Variants in CNBP observed in about 807,000 individuals in gnomAD.
CNBP encodes cellular nucleic acid-binding protein.
In CNBP, 6 loss-of-function variants were observed where a neutral mutation model predicts 21.2. That is an observed-to-expected ratio of 0.28 (90% confidence interval 0.16 to 0.56). The LOEUF (loss-of-function observed/expected upper bound fraction) is 0.56, where lower values mean the gene tolerates loss of function less well. CNBP is among the 20% of genes least tolerant of loss of function. The probability of loss-of-function intolerance (pLI) is 0.93; values close to 1 mark genes in which losing one functional copy is unlikely to be tolerated. For missense variants in CNBP, 112 were observed against 233.1 expected (o/e 0.48, Z 3.38); for synonymous variants, 61 against 74.9 (o/e 0.81, Z 0.96).
chr3:129,177,886 G>T (rs537745486), intron 1 of CNBP, among the ~76,000 whole-genome samples: 1 of 152,190 alleles, frequency 6.6e-6, no homozygotes, highest in African/African-American at 2.4e-5. Context: ...TGGGCCGGGC[G>T]GGGTGGCCCA....
chr3:129,170,126 A>G lies in CNBP; in HGVS notation c.*327T>C, dbSNP rs914694507. 6.5e-6 allele frequency: 2 copies of G among 308,746 alleles called. No homozygotes were observed. Among genetic ancestry groups the G allele is most frequent in the African/African-American group, 4.1e-5 (2 of 48,418 alleles). The allele number at this position is 308,746 out of a possible 1,614,324, so 19.1% of individuals were successfully genotyped here. ...TTCCAGAATTGGTTTTACCTCCTACATGGGAACATGTTCAAGGAACCCAGG... is the reference window on the plus strand; with the variant it reads ...TTCCAGAATTGGTTTTACCTCCTACGTGGGAACATGTTCAAGGAACCCAGG... On this transcript the variant is annotated 3_prime_UTR_variant, in exon 5 of 5. Coordinates refer to ENST00000422453, the MANE Select transcript of CNBP (RefSeq NM_003418.5).
chr3:129,174,374 A>AG (rs1937747855), intron 1 of CNBP, among the ~76,000 whole-genome samples: 1 of 148,680 alleles, frequency 6.7e-6, no homozygotes, highest in African/African-American at 2.5e-5. Context: ...AAAAAAAAAA[A>AG]CGAATGGCGG....
chr3:129,170,598 A>G (rs1937549417), intron 4 of CNBP, 28 bp from the exon 5 acceptor site: 1 of 1,575,552 alleles, frequency 6.3e-7, no homozygotes, highest in East Asian at 2.2e-5. Context: ...AGTTTTCACA[A>G]TGGGCCTCAG....
In CNBP at chr3:129,169,586, T is replaced by TC. The variant is rs1473197487; in HGVS notation, c.*866dup. On this transcript the variant is annotated 3_prime_UTR_variant, in exon 5 of 5. Coordinates refer to ENST00000422453, the MANE Select transcript of CNBP (RefSeq NM_003418.5). ...AGAACTTTAGTCAAACTCCCCTTCCTCCTCCAGCTTTATTGGAATAGTTTA... is the reference window on the plus strand; with the variant it reads ...AGAACTTTAGTCAAACTCCCCTTCCTCCCTCCAGCTTTATTGGAATAGTTTA... The TC allele has an allele frequency of 2.9e-5, 6 of 208,708 alleles. No individual in the cohort carries two copies. The highest frequency in any genetic ancestry group is 5.9e-5 in the Non-Finnish European group (6 of 102,386). 12.9% of individuals were successfully genotyped at this position (208,708 alleles called of 1,614,324 possible). A position where few individuals can be genotyped will look rare whatever the true frequency, so the allele number is the denominator to read the frequency against.
intron 1 of CNBP, among the ~76,000 whole-genome samples, chr3:129,180,428 AT>A (rs1938215166): frequency 1.3e-5 from 2 of 152,198 alleles, no homozygotes. Flanking sequence ...TTAACACCTC[AT>A]TTGTATTTAT....
chr3:129,176,814 T>C (rs1198824846), intron 1 of CNBP, among the ~76,000 whole-genome samples: 1 of 152,196 alleles, frequency 6.6e-6, no homozygotes, highest in Non-Finnish European at 1.5e-5. Context: ...ACATTCCCAA[T>C]GTAATTTTTT....
chr3:129,170,628 G>A, intron 4 of CNBP, 58 bp from the exon 5 acceptor site: 1 of 1,347,530 alleles, frequency 7.4e-7, no homozygotes, highest in Non-Finnish European at 1.1e-6. Flanking sequence ...GTCTACCAAA[G>A]CAACAGTCAC....
intron 1 of CNBP, among the ~76,000 whole-genome samples, chr3:129,172,616 A>AGGCAGGCAGG (rs1560034664): frequency 2.0e-5 from 1 of 49,422 alleles, no homozygotes; most frequent in African/African-American, 5.4e-5. Flanking sequence ...AGACAGGCAG[A>AGGCAGGCAGG]CAGGCAGCCA....
Position 129,172,615 on chromosome 3 carries a change from G to GCC in CNBP, c.-14-845_-14-844insGG, listed in dbSNP as rs1560034651. ...AGGCAGGCAGGCAGGCAGACAGGCAGACAGGCAGCCAGGCAGGCAGGCAGG... is the reference window on the plus strand; with the variant it reads ...AGGCAGGCAGGCAGGCAGACAGGCAGCCACAGGCAGCCAGGCAGGCAGGCAGG... On this transcript the variant is annotated intron_variant, in intron 1 of 4. Transcript: ENST00000422453. 8.5e-4 allele frequency among the ~76,000 whole-genome samples: 56 copies of GCC among 66,180 alleles called. 2 individuals carry two copies. The highest frequency in any genetic ancestry group is 2.6e-3 in the African/African-American group (54 of 20,652). The allele number at this position is 66,180 out of a possible 152,430, so 43.4% of individuals were successfully genotyped here.
intron 1 of CNBP, among the ~76,000 whole-genome samples, chr3:129,173,695 C>G (rs1679084691): frequency 1.3e-5 from 2 of 152,058 alleles, no homozygotes; most frequent in South Asian, 4.1e-4. Flanking sequence ...ATAATGAAAA[C>G]AATGCAACTA....
Position 129,168,103 on chromosome 3 carries a change from G to A in CNBP, c.*2350C>T, listed in dbSNP as rs1937488182. On this transcript the variant is annotated 3_prime_UTR_variant, in exon 5 of 5. Coordinates refer to ENST00000422453, the MANE Select transcript of CNBP (RefSeq NM_003418.5). ...CATACCCAAAGTCAAGAATCACACA[G>A]CAGCATGGAGGGGGAAAATGAACTA... Among the ~76,000 whole-genome samples, 2 of 152,140 alleles carry A rather than the reference G, an allele frequency of 1.3e-5. No homozygotes were observed. The highest frequency in any genetic ancestry group is 2.9e-5 in the Non-Finnish European group (2 of 68,040).
chr3:129,177,124 C>T (rs1460587808), intron 1 of CNBP, among the ~76,000 whole-genome samples: 1 of 152,196 alleles, frequency 6.6e-6, no homozygotes, highest in South Asian at 2.1e-4. Context: ...TACAAACATA[C>T]ATGCTAACTT....
Position 129,169,988 on chromosome 3 carries a change from A to C in CNBP, c.*465T>G, listed in dbSNP as rs184319958. 1.7e-5 allele frequency: 4 copies of C among 237,284 alleles called. No homozygotes were observed. The highest frequency in any genetic ancestry group is 8.8e-5 in the African/African-American group (4 of 45,402). 14.7% of individuals were successfully genotyped at this position (237,284 alleles called of 1,614,324 possible). On this transcript the variant is annotated 3_prime_UTR_variant, in exon 5 of 5. Coordinates refer to ENST00000422453, the MANE Select transcript of CNBP (RefSeq NM_003418.5). Reference sequence around the variant, plus strand: ...TTACTCCCACTCAACTGTATGTTCTATGTAGGGCCTGATACAGATGTTACT... The same window carrying C: ...TTACTCCCACTCAACTGTATGTTCTCTGTAGGGCCTGATACAGATGTTACT...
chr3:129,177,079 TA>T (rs1194345124), intron 1 of CNBP, among the ~76,000 whole-genome samples: 2 of 152,206 alleles, frequency 1.3e-5, no homozygotes, highest in Non-Finnish European at 2.9e-5. Flanking sequence ...CAAGAATTCA[TA>T]ATCAATTGGA....
At position 129,168,605 on chromosome 3, in the gene CNBP, C is replaced by CAA. The variant is rs57560229; in HGVS notation, c.*1846_*1847dup. 6.3e-3 allele frequency among the ~76,000 whole-genome samples: 248 copies of CAA among 39,480 alleles called. 2 individuals are homozygous for CAA. The highest frequency in any genetic ancestry group is 0.042 in the Middle Eastern group (1 of 24). The allele number at this position is 39,480 out of a possible 152,430, so 25.9% of individuals were successfully genotyped here. A position where few individuals can be genotyped will look rare whatever the true frequency, so the allele number is the denominator to read the frequency against. On this transcript the variant is annotated 3_prime_UTR_variant, in exon 5 of 5. Transcript: ENST00000422453. Reference sequence around the variant, plus strand: ...CCTGGGCAACAGAGCGAGACTGTCTCAAAAAAAAAAAAAAAAAAAAAAAAG... The same window carrying CAA: ...CCTGGGCAACAGAGCGAGACTGTCTCAAAAAAAAAAAAAAAAAAAAAAAAAAG...
chr3:129,180,142 T>C (rs927659834), intron 1 of CNBP, among the ~76,000 whole-genome samples: 1 of 152,086 alleles, frequency 6.6e-6, no homozygotes, highest in African/African-American at 2.4e-5. Flanking sequence ...CTTCAAAATA[T>C]TACATAAAGG....
At chr3:129,177,777 T>C (rs1231557273) in intron 1 of CNBP, among the ~76,000 whole-genome samples, 1 of 152,206 alleles carries the variant, frequency 6.6e-6, no homozygotes, top group Non-Finnish European at 1.5e-5. Flanking sequence ...TCCATTTTTG[T>C]GTATCAAATG....
rs546618487 is a variant in CNBP, at chr3:129,172,171, AAAAAT to A, written c.-14-405_-14-401del. On this transcript the variant is annotated intron_variant, in intron 1 of 4. Transcript: ENST00000422453. ...GGGCAACATTGAGACTCTGTCTCAA[AAAAAT>A]AAAATAATCACACAACTACATGATT... Among the ~76,000 whole-genome samples the A allele has an allele frequency of 3.9e-4, 59 of 152,294 alleles. No individual in the cohort carries two copies. In the South Asian group the frequency reaches 0.012, roughly 31 times the overall value.
At chr3:129,180,120 A>G (rs954749873) in intron 1 of CNBP, among the ~76,000 whole-genome samples, 1 of 152,184 alleles carries the variant, frequency 6.6e-6, no homozygotes, top group African/African-American at 2.4e-5. Flanking sequence ...AATTATACCA[A>G]TTCAATCTCT....
Sources: allele counts gnomAD v4.1 joint callset (sites outside exome capture counted in the v4.1 genomes callset), GRCh38; gene constraint gnomAD v4.1.1; transcripts MANE v1.5; gene names NCBI Gene and HGNC (gene_info 2026-07-23, HGNC 2026-07-21).